ZNF316: variants seen among roughly 807,000 people sequenced by gnomAD.
ZNF316 encodes zinc finger protein 316.
Under a neutral mutation model 75.6 loss-of-function variants are expected in ZNF316, and 23 were observed. That is an observed-to-expected ratio of 0.30 (90% confidence interval 0.22 to 0.43). The LOEUF is 0.43. ZNF316 is among the 20% of genes least tolerant of loss of function. The probability of loss-of-function intolerance (pLI) is 1.00; values close to 1 mark genes in which losing one functional copy is unlikely to be tolerated. For missense variants in ZNF316, 1,266 were observed against 1,409.4 expected (o/e 0.90, Z 1.63); for synonymous variants, 827 against 666.2 (o/e 1.24, Z -3.72).
At position 6,643,863 on chromosome 7, in the gene ZNF316, G is replaced by A; in HGVS notation, c.507G>A (p.Leu169=). 1 of 1,238,938 alleles carries A rather than the reference G, an allele frequency of 8.1e-7. No individual in the cohort carries two copies. Among genetic ancestry groups the A allele is most frequent in the South Asian group, 4.1e-5 (1 of 24,644 alleles). The allele number at this position is 1,238,938 out of a possible 1,614,324, so 76.7% of individuals were successfully genotyped here. A position where few individuals can be genotyped will look rare whatever the true frequency, so the allele number is the denominator to read the frequency against. The change falls in exon 7 of 9, where the codon CTG becomes CTA. Residue 169 remains leucine, a synonymous_variant. Coordinates refer to ENST00000382252, the MANE Select transcript of ZNF316 (RefSeq NM_001278559.2). ...TFEDVAVYFS[L]EEWERLEADQ... ...AAGATGTGGCTGTGTACTTCTCCCT[G>A]GAGGAGTGGGAAAGGCTGGAAGCAG... is the stretch of plus-strand genomic sequence containing the variant.
At chr7:6,644,442 C>A in intron 7 of ZNF316, 38 bp from the exon 8 acceptor site, 2 of 1,176,856 alleles carry the variant, frequency 1.7e-6, no homozygotes, top group Non-Finnish European at 2.1e-6. Context: ...GGAGGGCCCA[C>A]GGGAGCCGCC....
chr7:6,646,986 C>T (rs1457830922), intron 8 of ZNF316, among the ~76,000 whole-genome samples: 4 of 152,216 alleles, frequency 2.6e-5, no homozygotes, highest in Non-Finnish European at 4.4e-5. Flanking sequence ...CCTCCCCTGC[C>T]CTGCCTTTCT....
Position 6,642,554 on chromosome 7 carries a change from G to A in ZNF316, c.145G>A (p.Glu49Lys), listed in dbSNP as rs1380879024. 1 of 1,225,904 alleles carries A rather than the reference G, an allele frequency of 8.2e-7. No homozygotes were observed. 75.9% of individuals were successfully genotyped at this position (1,225,904 alleles called of 1,614,324 possible). A position where few individuals can be genotyped will look rare whatever the true frequency, so the allele number is the denominator to read the frequency against. ...GGTGCAGGAGGTGGAAGAAGAGGAG[G>A]AGGAGATAGTGGTGGAGGAGGAGGA... ...EEVQEVEEEE[E>K]EIVVEEEEEG... is the part of the protein sequence containing the mutation. The change falls in exon 5 of 9, where the codon GAG (glutamate) becomes AAG (lysine). Residue 49 changes from glutamate to lysine, a missense_variant. This residue lies in a region of ZNF316 where 961 missense variants were observed against 990.9 expected (regional missense o/e 0.97). Transcript: ENST00000382252. This position sits in a 1 kb window ranked among gnomAD's most constrained non-coding sequence, Gnocchi z 8.1.
At position 6,653,160 on chromosome 7, in the gene ZNF316, G is replaced by A. The variant is rs928394870; in HGVS notation, c.1564G>A (p.Gly522Ser). ...AGGDGPRREP[G>S]ETAAAAGPED... ...TGGTGACGGCCCCCGGCGGGAGCCC[G>A]GCGAGACGGCGGCCGCCGCGGGGCC... The change falls in exon 9 of 9, where the codon GGC becomes AGC. Residue 522 changes from glycine (G) to serine (S), a missense_variant. Physicochemically the swap from Gly to Ser is moderately conservative, Grantham distance 56. Coordinates refer to ENST00000382252, the MANE Select transcript of ZNF316 (RefSeq NM_001278559.2). 4 of 1,191,450 alleles carry A rather than the reference G, an allele frequency of 3.4e-6. No individual in the cohort carries two copies. The highest frequency in any genetic ancestry group is 3.4e-4 in the Middle Eastern group (1 of 2,966). 73.8% of individuals were successfully genotyped at this position (1,191,450 alleles called of 1,614,324 possible). A position where few individuals can be genotyped will look rare whatever the true frequency, so the allele number is the denominator to read the frequency against.
At position 6,652,670 on chromosome 7, in the gene ZNF316, G is replaced by C; in HGVS notation, c.1074G>C (p.Ser358=). The change falls in exon 9 of 9, where the codon TCG becomes TCC. Residue 358 remains serine (S), a synonymous_variant. Coordinates refer to ENST00000382252, the MANE Select transcript of ZNF316 (RefSeq NM_001278559.2). ...DVCGKVFPHR[S]RLAKHQRYHA... Reference sequence around the variant, plus strand: ...GCGGCAAGGTCTTCCCGCACCGCTCGCGGCTGGCCAAGCACCAGCGCTACC... The same window carrying C: ...GCGGCAAGGTCTTCCCGCACCGCTCCCGGCTGGCCAAGCACCAGCGCTACC... 8.1e-7 allele frequency: 1 copy of C among 1,232,680 alleles called. No homozygotes were observed. The highest frequency in any genetic ancestry group is 1.0e-6 in the Non-Finnish European group (1 of 988,128). 76.4% of individuals were successfully genotyped at this position (1,232,680 alleles called of 1,614,324 possible). A position where few individuals can be genotyped will look rare whatever the true frequency, so the allele number is the denominator to read the frequency against.
chr7:6,652,392 C>G lies in ZNF316; in HGVS notation c.796C>G (p.Pro266Ala), dbSNP rs954737518. Residue 266 changes from proline to alanine, a missense_variant, in exon 9 of 9, where the codon CCC (proline) becomes GCC (alanine). Physicochemically the swap from Pro to Ala is conservative, Grantham distance 27 (BLOSUM62 -1). Coordinates refer to ENST00000382252, the MANE Select transcript of ZNF316 (RefSeq NM_001278559.2). ...LAEVAEEENE[P>A]PGLWSAAYGV... The stretch of plus-strand genomic sequence containing the variant: ...GGAGGTGGCCGAGGAGGAGAACGAG[C>G]CCCCAGGGCTCTGGTCGGCGGCCTA... The G allele has an allele frequency of 6.5e-6, 8 of 1,232,226 alleles. No individual in the cohort carries two copies. Among genetic ancestry groups the G allele is most frequent in the Non-Finnish European group, 7.1e-6 (7 of 988,136 alleles). The allele number at this position is 1,232,226 out of a possible 1,614,324, so 76.3% of individuals were successfully genotyped here.
At position 6,653,059 on chromosome 7, in the gene ZNF316, C is replaced by T. The variant is rs1315117285; in HGVS notation, c.1463C>T (p.Pro488Leu). Residue 488 changes from proline (P) to leucine (L), a missense_variant, in exon 9 of 9, where the codon CCC (proline) becomes CTC (leucine). Transcript: ENST00000382252. ...ACGGCCGACCGCCCGCACTGCTGTCCCGACTGCGGCCAGGCCTTCCGCCTG... is the reference window on the plus strand; with the variant it reads ...ACGGCCGACCGCCCGCACTGCTGTCTCGACTGCGGCCAGGCCTTCCGCCTG... ...VHTADRPHCCPDCGQAFRLRA... is the reference protein window; with the variant it reads ...VHTADRPHCCLDCGQAFRLRA... The T allele has an allele frequency of 2.5e-5, 30 of 1,212,848 alleles. No individual in the cohort carries two copies. Among genetic ancestry groups the T allele is most frequent in the Middle Eastern group, 6.1e-4 (2 of 3,276 alleles). 75.1% of individuals were successfully genotyped at this position (1,212,848 alleles called of 1,614,324 possible). A position where few individuals can be genotyped will look rare whatever the true frequency, so the allele number is the denominator to read the frequency against.
rs1583447957 is a variant in ZNF316 at position 6,653,948 on chromosome 7, C to T, written c.2352C>T (p.Phe784=). ...PFVCGVCGAG[F]SRRAHLTAHG... is the part of the protein sequence containing the mutation. ...TGTGCGGCGTGTGCGGTGCGGGGTT[C>T]AGCCGTCGCGCGCACTTGACGGCGC... The change falls in exon 9 of 9, where the codon TTC becomes TTT. Residue 784 remains phenylalanine (F), a synonymous_variant. Coordinates refer to ENST00000382252, the MANE Select transcript of ZNF316 (RefSeq NM_001278559.2). 6 of 1,155,066 alleles carry T rather than the reference C, an allele frequency of 5.2e-6. No homozygotes were observed. The highest frequency in any genetic ancestry group is 1.6e-5 in the African/African-American group (1 of 60,806). 71.6% of individuals were successfully genotyped at this position (1,155,066 alleles called of 1,614,324 possible).
intron 8 of ZNF316, among the ~76,000 whole-genome samples, chr7:6,648,482 C>T (rs940869): frequency 0.13 from 20,468 of 152,212 alleles, 1,619 homozygotes; most frequent in Middle Eastern, 0.2. Flanking sequence ...GTGGCAGCAG[C>T]GCCACCTGAC....
In ZNF316 at chr7:6,653,951, C is replaced by T. The variant is rs1779568637; in HGVS notation, c.2355C>T (p.Ser785=). 8.7e-7 allele frequency: 1 copy of T among 1,155,506 alleles called. No homozygotes were observed. Among genetic ancestry groups the T allele is most frequent in the Non-Finnish European group, 1.1e-6 (1 of 939,826 alleles). 71.6% of individuals were successfully genotyped at this position (1,155,506 alleles called of 1,614,324 possible). ...FVCGVCGAGF[S]RRAHLTAHGR... ...GCGGCGTGTGCGGTGCGGGGTTCAG[C>T]CGTCGCGCGCACTTGACGGCGCACG... The change falls in exon 9 of 9, where the codon AGC becomes AGT. Residue 785 remains serine, a synonymous_variant. Coordinates refer to ENST00000382252, the MANE Select transcript of ZNF316 (RefSeq NM_001278559.2).
In ZNF316 at chr7:6,643,007, C is replaced by T. The variant is rs1779338045; in HGVS notation, c.399C>T (p.Asp133=). 7 of 1,233,630 alleles carry T rather than the reference C, an allele frequency of 5.7e-6. No individual in the cohort carries two copies. In the East Asian group the frequency reaches 1.9e-4, roughly 33 times the overall value. The allele number at this position is 1,233,630 out of a possible 1,614,324, so 76.4% of individuals were successfully genotyped here. ...CTCCAGCCACTCCTAGGGATGAGGACCTGGAGGAGGAGGAAGAGGAGGAGG... is the reference window on the plus strand; with the variant it reads ...CTCCAGCCACTCCTAGGGATGAGGATCTGGAGGAGGAGGAAGAGGAGGAGG... ...SRAPATPRDE[D]LEEEEEEEED... Residue 133 remains aspartate, a synonymous_variant, in exon 6 of 9, where the codon GAC becomes GAT. Coordinates refer to ENST00000382252, the MANE Select transcript of ZNF316 (RefSeq NM_001278559.2).
In ZNF316 at chr7:6,642,868, C is replaced by G; in HGVS notation, c.356-96C>G. 1 of 1,232,068 alleles carries G rather than the reference C, an allele frequency of 8.1e-7. No individual in the cohort carries two copies. Among genetic ancestry groups the G allele is most frequent in the Middle Eastern group, 3.1e-4 (1 of 3,216 alleles). The allele number at this position is 1,232,068 out of a possible 1,614,324, so 76.3% of individuals were successfully genotyped here. A position where few individuals can be genotyped will look rare whatever the true frequency, so the allele number is the denominator to read the frequency against. ...GGGCTCTTGGGCCGACAGGGTGGAG[C>G]TGAAACCCAGCTTTGCAATGAGGGT... On this transcript the variant is annotated intron_variant, in intron 5 of 8. Transcript: ENST00000382252. The surrounding 1 kb of genome is among the most constrained non-coding windows in gnomAD (Gnocchi z 8.1).
At position 6,654,361 on chromosome 7, in the gene ZNF316, GCCGCTT is replaced by G; in HGVS notation, c.2767_2772del (p.Arg923_Phe924del). 8.2e-7 allele frequency: 1 copy of G among 1,219,876 alleles called. No individual in the cohort carries two copies. Among genetic ancestry groups the G allele is most frequent in the Non-Finnish European group, 1.0e-6 (1 of 980,210 alleles). 75.6% of individuals were successfully genotyped at this position (1,219,876 alleles called of 1,614,324 possible). On this transcript the variant is annotated inframe_deletion, in exon 9 of 9. Transcript: ENST00000382252. Reference sequence around the variant, plus strand: ...CCCTACGCCTGCGCCAACTGCGGCCGCCGCTTCTCGCAGAGCTCGCACTTGCTCACC... The same window carrying G: ...CCCTACGCCTGCGCCAACTGCGGCCGCTCGCAGAGCTCGCACTTGCTCACC...
rs899503104 is a variant in ZNF316 at position 6,657,473 on chromosome 7, G to A, written c.*2862G>A. ...CATGTCTGAAACAGACGTTTGAGTG[G>A]CAGACAAATACAAAGACCTAGTTAA... On this transcript the variant is annotated 3_prime_UTR_variant, in exon 9 of 9. Coordinates refer to ENST00000382252, the MANE Select transcript of ZNF316 (RefSeq NM_001278559.2). Among the ~76,000 whole-genome samples the A allele has an allele frequency of 2.0e-5, 3 of 152,064 alleles. No homozygotes were observed. The highest frequency in any genetic ancestry group is 4.4e-5 in the Non-Finnish European group (3 of 68,028).
At position 6,642,109 on chromosome 7, in the gene ZNF316, G is replaced by A. The variant is rs186157925; in HGVS notation, c.-29+147G>A. The stretch of plus-strand genomic sequence containing the variant: ...AGGAAAGAGCAGCAGTTCACACCAG[G>A]CACGTAGTTCTTGGTGAAAAGGAGC... On this transcript the variant is annotated intron_variant, in intron 4 of 8. Transcript: ENST00000382252. This position sits in a 1 kb window ranked among gnomAD's most constrained non-coding sequence, Gnocchi z 8.1. 4 of 310,268 alleles carry A rather than the reference G, an allele frequency of 1.3e-5. No homozygotes were observed. In the Admixed American group the frequency reaches 1.5e-4, roughly 12 times the overall value. The allele number at this position is 310,268 out of a possible 1,614,324, so 19.2% of individuals were successfully genotyped here. A position where few individuals can be genotyped will look rare whatever the true frequency, so the allele number is the denominator to read the frequency against.
chr7:6,646,947 C>T (rs1052289374), intron 8 of ZNF316, among the ~76,000 whole-genome samples: 5 of 152,272 alleles, frequency 3.3e-5, no homozygotes, highest in East Asian at 3.9e-4. Flanking sequence ...TGCTGAAGCC[C>T]CCACCTGCCC....
chr7:6,642,365 G>A lies in ZNF316; in HGVS notation c.-28-17G>A, dbSNP rs913919995. On this transcript the variant is annotated splice_polypyrimidine_tract_variant and intron_variant, in intron 4 of 8. Coordinates refer to ENST00000382252, the MANE Select transcript of ZNF316 (RefSeq NM_001278559.2). This position sits in a 1 kb window ranked among gnomAD's most constrained non-coding sequence, Gnocchi z 8.1. ...GTGCTGAGAGCAGCCCGTCACTGGC[G>A]TCCATCTGCATTTCAGGCCACGTGG... 3.5e-5 allele frequency: 41 copies of A among 1,186,200 alleles called. No homozygotes were observed. Among genetic ancestry groups the A allele is most frequent in the Non-Finnish European group, 4.3e-5 (41 of 946,352 alleles). The allele number at this position is 1,186,200 out of a possible 1,614,324, so 73.5% of individuals were successfully genotyped here.
At position 6,654,347 on chromosome 7, in the gene ZNF316, C is replaced by T. The variant is rs1779575883; in HGVS notation, c.2751C>T (p.Cys917=). 3 of 1,221,286 alleles carry T rather than the reference C, an allele frequency of 2.5e-6. No homozygotes were observed. Among genetic ancestry groups the T allele is most frequent in the African/African-American group, 1.6e-5 (1 of 63,964 alleles). 75.7% of individuals were successfully genotyped at this position (1,221,286 alleles called of 1,614,324 possible). A position where few individuals can be genotyped will look rare whatever the true frequency, so the allele number is the denominator to read the frequency against. Residue 917 remains cysteine (C), a synonymous_variant, in exon 9 of 9, where the codon TGC becomes TGT. Coordinates refer to ENST00000382252, the MANE Select transcript of ZNF316 (RefSeq NM_001278559.2). ...ATACGGGCGAGCGGCCCTACGCCTG[C>T]GCCAACTGCGGCCGCCGCTTCTCGC... The part of the protein sequence containing the change: ...RTHTGERPYA[C]ANCGRRFSQS...
intron 8 of ZNF316, among the ~76,000 whole-genome samples, chr7:6,647,227 G>A (rs1174646199): frequency 1.3e-5 from 2 of 152,108 alleles, no homozygotes; most frequent in African/African-American, 2.4e-5. Context: ...GTGAGGGGCA[G>A]GCCCAGTGCC....
Sources: allele counts gnomAD v4.1 joint callset (sites outside exome capture counted in the v4.1 genomes callset), GRCh38; gene constraint gnomAD v4.1.1; regional missense constraint gnomAD v4.1.1; non-coding constraint Gnocchi (gnomAD v3.1); transcripts MANE v1.5; gene names NCBI Gene and HGNC (gene_info 2026-07-23, HGNC 2026-07-21).